MAF: variants seen among roughly 807,000 people sequenced by gnomAD.
The protein encoded by MAF is MAF bZIP transcription factor, also known as transcription factor Maf.
MAF carries 10 observed loss-of-function variants against 22.0 expected under a neutral mutation model. The ratio of observed to expected loss-of-function variants is 0.45; its 90% CI spans 0.28 to 0.77. The LOEUF (loss-of-function observed/expected upper bound fraction) is 0.77. MAF is among the 30% of genes least tolerant of loss of function. MAF has a pLI of 0.12. For missense variants in MAF, 544 were observed against 548.4 expected (o/e 0.99, Z 0.08); for synonymous variants, 337 against 255.8 (o/e 1.32, Z -3.03).
At chr16:79,210,028 A>C in the MAF span, among the ~76,000 whole-genome samples, 2 of 152,290 alleles carry the variant, frequency 1.3e-5, no homozygotes, top group East Asian at 1.9e-4. Flanking sequence ...AGCTACTATT[A>C]AGTTCAAGTC....
the MAF span, among the ~76,000 whole-genome samples, chr16:79,496,204 G>A: frequency 6.6e-6 from 1 of 152,186 alleles, no homozygotes; most frequent in Admixed American, 6.5e-5. Context: ...CATGTCAGAT[G>A]GAAATAAGTC....
chr16:79,502,891 C>T, the MAF span, among the ~76,000 whole-genome samples: 2 of 150,144 alleles, frequency 1.3e-5, no homozygotes, highest in African/African-American at 4.9e-5. Context: ...ATGGGATAAT[C>T]CACTCATCAA....
At chr16:79,527,695 G>C in the MAF span, among the ~76,000 whole-genome samples, 1 of 152,178 alleles carries the variant, frequency 6.6e-6, no homozygotes, top group Non-Finnish European at 1.5e-5. Flanking sequence ...AAGCTTGTGA[G>C]GGTGTGGGGT....
the MAF span, among the ~76,000 whole-genome samples, chr16:79,323,242 G>T: frequency 2.0e-5 from 3 of 146,582 alleles, no homozygotes; most frequent in Non-Finnish European, 1.5e-5. Flanking sequence ...GTCTAGTCCC[G>T]GGGGTTCAAC....
At chr16:79,544,042 C>G in the MAF span, among the ~76,000 whole-genome samples, 1 of 152,152 alleles carries the variant, frequency 6.6e-6, no homozygotes, top group African/African-American at 2.4e-5. Flanking sequence ...ACACCCCCAT[C>G]TTTGAATGCT....
the MAF span, among the ~76,000 whole-genome samples, chr16:79,230,452 G>A: frequency 2.0e-5 from 3 of 152,154 alleles, no homozygotes; most frequent in African/African-American, 7.2e-5. Context: ...CCCTGCCCTT[G>A]CCCGGGTGGG....
chr16:79,579,423 T>C, the MAF span, among the ~76,000 whole-genome samples: 1 of 152,210 alleles, frequency 6.6e-6, no homozygotes, highest in Admixed American at 6.5e-5. Flanking sequence ...GCCTCTACCA[T>C]ACAAGCCTCA....
chr16:79,223,266 C>T, the MAF span, among the ~76,000 whole-genome samples: 1 of 152,172 alleles, frequency 6.6e-6, no homozygotes, highest in Non-Finnish European at 1.5e-5. Flanking sequence ...TGAATGACTA[C>T]TGGGTAAGTA....
chr16:79,526,065 T>C, the MAF span, among the ~76,000 whole-genome samples: 7,859 of 152,242 alleles, frequency 0.052, 697 homozygotes, highest in African/African-American at 0.18. Context: ...TGAATTAACA[T>C]CATTCAGTTC....
the MAF span, among the ~76,000 whole-genome samples, chr16:79,486,538 G>A: frequency 6.6e-6 from 1 of 152,156 alleles, no homozygotes; most frequent in Non-Finnish European, 1.5e-5. Context: ...AATAAGTTCT[G>A]TGAGACAAAA....
the MAF span, among the ~76,000 whole-genome samples, chr16:79,475,249 A>C: frequency 6.6e-6 from 1 of 152,048 alleles, no homozygotes; most frequent in African/African-American, 2.4e-5. Flanking sequence ...TACTTCCTAG[A>C]ATTAGCTTTA....
rs1419435041 is a variant in MAF, at chr16:79,594,237, C to A, written c.*223G>T. 1.9e-6 allele frequency: 1 copy of A among 538,092 alleles called. No individual in the cohort carries two copies. The highest frequency in any genetic ancestry group is 3.1e-5 in the Admixed American group (1 of 32,448). The allele number at this position is 538,092 out of a possible 1,614,324, so 33.3% of individuals were successfully genotyped here. On this transcript the variant is annotated 3_prime_UTR_variant, in exon 2 of 2. Coordinates refer to ENST00000326043, the MANE Select transcript of MAF (RefSeq NM_005360.5). ...AAAGCAATGCACCTGTTTACTTGCA[C>A]ACACCATAAATCGAAAAGCAGGAGT...
At chr16:79,591,459 C>T (rs1913186671), downstream of MAF, among the ~76,000 whole-genome samples, 2 of 152,126 alleles carry the variant, frequency 1.3e-5, no homozygotes, top group Admixed American at 6.5e-5. Flanking sequence ...ATTTTGCAAT[C>T]CACAGTTCTA....
At chr16:79,574,545 C>A in the MAF span, among the ~76,000 whole-genome samples, 1 of 152,180 alleles carries the variant, frequency 6.6e-6, no homozygotes, top group Admixed American at 6.5e-5. Flanking sequence ...CTGGGATGAA[C>A]TGATCACTTC....
chr16:79,536,151 G>A, the MAF span, among the ~76,000 whole-genome samples: 6 of 152,282 alleles, frequency 3.9e-5, no homozygotes, highest in South Asian at 4.2e-4. Flanking sequence ...GATATAAGGC[G>A]GTACTTACCA....
downstream of MAF, among the ~76,000 whole-genome samples, chr16:79,593,182 A>G (rs1308121821): frequency 6.6e-6 from 1 of 152,204 alleles, no homozygotes; most frequent in Non-Finnish European, 1.5e-5. Flanking sequence ...GGAGGAGTGT[A>G]TTTCGTAAAG....
chr16:79,438,797 G>A, the MAF span, among the ~76,000 whole-genome samples: 1 of 152,098 alleles, frequency 6.6e-6, no homozygotes, highest in South Asian at 2.1e-4. Flanking sequence ...AGAAATAAAA[G>A]GAAAGCAATA....
chr16:79,562,572 C>T, the MAF span, among the ~76,000 whole-genome samples: 2 of 152,220 alleles, frequency 1.3e-5, no homozygotes, highest in Admixed American at 6.5e-5. Context: ...ACTAACACCA[C>T]AGAAGGTCTT....
the MAF span, among the ~76,000 whole-genome samples, chr16:79,541,295 G>C: frequency 6.6e-6 from 1 of 152,080 alleles, no homozygotes; most frequent in Non-Finnish European, 1.5e-5. Context: ...GAATTATTCT[G>C]TCTCATCACC....
Sources: allele counts gnomAD v4.1 joint callset (sites outside exome capture counted in the v4.1 genomes callset), GRCh38; gene constraint gnomAD v4.1.1; transcripts MANE v1.5; gene names NCBI Gene and HGNC (gene_info 2026-07-23, HGNC 2026-07-21).